The following MTSS1 variants were observed in gnomAD, a reference collection of about 807,000 sequenced individuals.
MTSS1 encodes protein MTSS 1.
A neutral mutation model predicts 79.0 loss-of-function variants in MTSS1; 18 were observed. The observed-to-expected ratio is 0.23, with a 90% CI of 0.16 to 0.34. The LOEUF is 0.34. MTSS1 is among the 10% of genes least tolerant of loss of function. The pLI, the probability that MTSS1 is intolerant of heterozygous loss-of-function variation, is 1.00. For missense variants in MTSS1, 815 were observed against 986.2 expected (o/e 0.83, Z 2.33); for synonymous variants, 341 against 368.6 (o/e 0.93, Z 0.86).
chr8:124,668,029 A>C (rs1291469413), intron 3 of MTSS1, among the ~76,000 whole-genome samples: 3 of 151,278 alleles, frequency 2.0e-5, no homozygotes, highest in African/African-American at 7.3e-5. Context: ...TCAAGGCTGC[A>C]GTGAGCCATG....
At chr8:124,564,886 T>C (rs1375127817) in intron 9 of MTSS1, 1 of 152,284 alleles carries the variant, frequency 6.6e-6, no homozygotes, top group Non-Finnish European at 1.5e-5. Flanking sequence ...ATTGAGCAGA[T>C]ACATCCTGCC....
At chr8:124,614,380 C>T (rs754469686) in intron 3 of MTSS1, among the ~76,000 whole-genome samples, 8 of 152,124 alleles carry the variant, frequency 5.3e-5, no homozygotes, top group Non-Finnish European at 1.2e-4. Context: ...AGAGTGAGGC[C>T]GCAATACCAT....
chr8:124,690,228 C>T (rs1827723272), intron 3 of MTSS1, among the ~76,000 whole-genome samples: 1 of 152,194 alleles, frequency 6.6e-6, no homozygotes, highest in South Asian at 2.1e-4. Context: ...AGACAGGGAA[C>T]AGCACACACA....
At chr8:124,629,120 C>A (rs1815330368) in intron 3 of MTSS1, among the ~76,000 whole-genome samples, 1 of 152,172 alleles carries the variant, frequency 6.6e-6, no homozygotes, top group Non-Finnish European at 1.5e-5. Context: ...CTTTCAACAG[C>A]CCTGTGCATA....
At chr8:124,661,969 T>C (rs1316799194) in intron 3 of MTSS1, among the ~76,000 whole-genome samples, 3 of 152,114 alleles carry the variant, frequency 2.0e-5, no homozygotes, top group Non-Finnish European at 2.9e-5. Context: ...CTCTCACCCA[T>C]CCATGAACAC....
intron 1 of MTSS1, among the ~76,000 whole-genome samples, chr8:124,718,067 G>A (rs544210390): frequency 6.6e-6 from 1 of 151,656 alleles, no homozygotes; most frequent in South Asian, 2.1e-4. Context: ...ACACAGTCTT[G>A]GCTCCCTGAC....
chr8:124,723,800 G>C (rs563612020), intron 1 of MTSS1, among the ~76,000 whole-genome samples: 5 of 152,218 alleles, frequency 3.3e-5, no homozygotes, highest in African/African-American at 9.6e-5. Context: ...TGCTCTGCTT[G>C]TCCTGCCTTT....
chr8:124,611,552 C>T (rs921824107), intron 3 of MTSS1, among the ~76,000 whole-genome samples: 12 of 152,042 alleles, frequency 7.9e-5, no homozygotes, highest in Non-Finnish European at 1.2e-4. Flanking sequence ...ACCCTCGGCT[C>T]CCTTCAATTC....
intron 10 of MTSS1, 52 bp from the exon 11 acceptor site, chr8:124,557,927 G>A (rs772551882): frequency 2.2e-5 from 31 of 1,389,612 alleles, no homozygotes; most frequent in African/African-American, 2.9e-5. Context: ...TAATATAACA[G>A]GATGAGTGCG....
At chr8:124,564,706 C>CACACACACACACACAT (rs1307907301) in intron 9 of MTSS1, 1 of 152,116 alleles carries the variant, frequency 6.6e-6, no homozygotes, top group Non-Finnish European at 1.5e-5. Flanking sequence ...CACACACACA[C>CACACACACACACACAT]ACACACACAC....
Position 124,727,191 on chromosome 8 carries a change from G to T in MTSS1, c.72+693C>A, listed in dbSNP as rs1287500182. On this transcript the variant is annotated intron_variant, in intron 1 of 13. Coordinates refer to ENST00000518547, the MANE Select transcript of MTSS1 (RefSeq NM_014751.6). This position sits in a 1 kb window ranked among gnomAD's most constrained non-coding sequence, Gnocchi z 4.7. ...TGTCCGTTTGGGTCTGGGAGGGCAGGATACAGTTATTTCGGGGGCCCCAAT... is the reference window on the plus strand; with the variant it reads ...TGTCCGTTTGGGTCTGGGAGGGCAGTATACAGTTATTTCGGGGGCCCCAAT... Among the ~76,000 whole-genome samples, 5 of 152,216 alleles carry T rather than the reference G, an allele frequency of 3.3e-5. No individual in the cohort carries two copies. The highest frequency in any genetic ancestry group is 5.9e-5 in the Non-Finnish European group (4 of 68,024).
intron 3 of MTSS1, among the ~76,000 whole-genome samples, chr8:124,698,506 CTTTTTTTTTTTTT>C (rs148481676): frequency 1.6e-5 from 2 of 124,772 alleles, no homozygotes; most frequent in Non-Finnish European, 3.4e-5. Context: ...TGTTGCTTTT[CTTTTTTTTTTTTT>C]TTTTTTTGAG....
intron 3 of MTSS1, among the ~76,000 whole-genome samples, chr8:124,659,229 T>C (rs749485931): frequency 2.0e-5 from 3 of 152,216 alleles, no homozygotes; most frequent in Non-Finnish European, 4.4e-5. Flanking sequence ...CTGCCCTGTT[T>C]AGAAGAATGA....
chr8:124,587,458 C>T (rs551758587), intron 5 of MTSS1, among the ~76,000 whole-genome samples: 62 of 152,278 alleles, frequency 4.1e-4, no homozygotes, highest in African/African-American at 1.5e-3. Flanking sequence ...TGCCTCTCTC[C>T]CTAACTTCAA....
At chr8:124,724,228 G>A (rs753781713) in intron 1 of MTSS1, among the ~76,000 whole-genome samples, 2 of 152,140 alleles carry the variant, frequency 1.3e-5, no homozygotes, top group Admixed American at 6.5e-5. Context: ...AAAATATCAC[G>A]ACATGGCTTC....
chr8:124,594,702 C>A (rs1832455426), intron 3 of MTSS1, among the ~76,000 whole-genome samples: 1 of 152,230 alleles, frequency 6.6e-6, no homozygotes, highest in South Asian at 2.1e-4. Flanking sequence ...GTGTCTCTGT[C>A]CAACTGGCAC....
At position 124,553,822 on chromosome 8, in the gene MTSS1, T is replaced by C; in HGVS notation, c.1568-130A>G. 1.3e-6 allele frequency: 1 copy of C among 780,734 alleles called. No homozygotes were observed. Among genetic ancestry groups the C allele is most frequent in the Non-Finnish European group, 2.0e-6 (1 of 503,176 alleles). The allele number at this position is 780,734 out of a possible 1,614,324, so 48.4% of individuals were successfully genotyped here. ...TCTCATCCCAAGCTTCCCCCAGGCT[T>C]CTCTACCATCTTCAGAAAGCCTCAC... On this transcript the variant is annotated intron_variant, in intron 13 of 13. Coordinates refer to ENST00000518547, the MANE Select transcript of MTSS1 (RefSeq NM_014751.6). This position sits in a 1 kb window ranked among gnomAD's most constrained non-coding sequence, Gnocchi z 6.0.
At chr8:124,625,561 T>C (rs768544549) in intron 3 of MTSS1, among the ~76,000 whole-genome samples, 2 of 152,190 alleles carry the variant, frequency 1.3e-5, no homozygotes, top group Non-Finnish European at 2.9e-5. Flanking sequence ...CATGGCGAAG[T>C]TCAGCTGGTA....
intron 7 of MTSS1, chr8:124,568,006 A>G (rs894057169): frequency 7.9e-7 from 1 of 1,270,840 alleles, no homozygotes; most frequent in Non-Finnish European, 1.0e-6. Flanking sequence ...GTGCTCCTTT[A>G]AAACACAGAC....
Sources: gnomAD v4.1 joint callset for allele counts (sites outside exome capture counted in the v4.1 genomes callset) on GRCh38, gnomAD v4.1.1 for gene constraint, Gnocchi (gnomAD v3.1) non-coding constraint, MANE v1.5 for transcripts, NCBI Gene and HGNC (gene_info 2026-07-23, HGNC 2026-07-21) for gene names.